The following ZFPM2 variants were observed in gnomAD, a reference collection of about 807,000 sequenced individuals.
ZFPM2 encodes zinc finger protein ZFPM2.
Under a neutral mutation model 98.6 loss-of-function variants are expected in ZFPM2, and 20 were observed. The ratio of observed to expected loss-of-function variants is 0.20; its 90% CI spans 0.14 to 0.29. The LOEUF is 0.29. ZFPM2 is among the 10% of genes least tolerant of loss of function. ZFPM2 has a pLI of 1.00. For missense variants in ZFPM2, 1,310 were observed against 1,388.6 expected, an observed-to-expected ratio of 0.94 and a Z score of 0.90; for synonymous variants, 518 against 502.7, an observed-to-expected ratio of 1.03 and a Z score of -0.41.
chr8:105,693,490 C>T (rs2130942300), intron 5 of ZFPM2, among the ~76,000 whole-genome samples: 1 of 152,310 alleles, frequency 6.6e-6, no homozygotes, highest in East Asian at 1.9e-4. Flanking sequence ...TACTACACTA[C>T]ATGCCCAACA....
chr8:105,376,135 T>G (rs1470337932), intron 1 of ZFPM2, among the ~76,000 whole-genome samples: 1 of 152,116 alleles, frequency 6.6e-6, no homozygotes, highest in Non-Finnish European at 1.5e-5. Flanking sequence ...TGGCCTCCAT[T>G]TAGACAAATC....
chr8:105,796,545 T>TATTA (rs572003438), intron 6 of ZFPM2, among the ~76,000 whole-genome samples: 64 of 152,344 alleles, frequency 4.2e-4, no homozygotes, highest in African/African-American at 1.3e-3. Context: ...TTTGAAACTC[T>TATTA]ATTATTATAC....
chr8:105,691,281 G>A lies in ZFPM2; in HGVS notation c.532+56924G>A, dbSNP rs1197861163. 1.3e-4 allele frequency among the ~76,000 whole-genome samples: 12 copies of A among 90,312 alleles called. 1 individual carries two copies. Among genetic ancestry groups the A allele is most frequent in the African/African-American group, 1.6e-4 (3 of 19,012 alleles). 59.2% of individuals were successfully genotyped at this position (90,312 alleles called of 152,430 possible). A position where few individuals can be genotyped will look rare whatever the true frequency, so the allele number is the denominator to read the frequency against. On this transcript the variant is annotated intron_variant, in intron 5 of 7. Coordinates refer to ENST00000407775, the MANE Select transcript of ZFPM2 (RefSeq NM_012082.4). Reference sequence around the variant, plus strand: ...TTTTGAGACGGAGTCTCGCTCTGTCGCCCAGGCCGGACTGCGGACTGCAGT... The same window carrying A: ...TTTTGAGACGGAGTCTCGCTCTGTCACCCAGGCCGGACTGCGGACTGCAGT...
chr8:105,489,198 G>T (rs995726365), intron 3 of ZFPM2, among the ~76,000 whole-genome samples: 1 of 151,712 alleles, frequency 6.6e-6, no homozygotes, highest in Non-Finnish European at 1.5e-5. Context: ...CTGTGTCACC[G>T]CATAGTCATA....
chr8:105,565,557 G>A (rs1213895302), intron 4 of ZFPM2, among the ~76,000 whole-genome samples: 3 of 152,086 alleles, frequency 2.0e-5, no homozygotes, highest in Non-Finnish European at 4.4e-5. Context: ...ACTAGCCTAA[G>A]GTCAACTCAG....
chr8:105,386,573 C>T (rs539625107), intron 1 of ZFPM2, among the ~76,000 whole-genome samples: 5 of 152,168 alleles, frequency 3.3e-5, no homozygotes, highest in South Asian at 2.1e-4. Context: ...CAGACCTTTT[C>T]GGTGAGTGTT....
chr8:105,698,165 T>G (rs1211035987), intron 5 of ZFPM2, among the ~76,000 whole-genome samples: 2 of 152,242 alleles, frequency 1.3e-5, no homozygotes, highest in East Asian at 3.8e-4. Context: ...TAATTACCTT[T>G]GAATACTAGT....
intron 5 of ZFPM2, among the ~76,000 whole-genome samples, chr8:105,652,010 G>T (rs187638519): frequency 1.2e-3 from 189 of 152,196 alleles, no homozygotes; most frequent in African/African-American, 4.5e-3. Context: ...GCATCAGTCA[G>T]CATGGCAGTG....
At chr8:105,754,289 TATTTA>T (rs959875098) in intron 5 of ZFPM2, among the ~76,000 whole-genome samples, 8 of 152,154 alleles carry the variant, frequency 5.3e-5, no homozygotes, top group Non-Finnish European at 1.2e-4. Flanking sequence ...ACTTTGAAGT[TATTTA>T]ATTTAAAAGC....
At chr8:105,657,575 A>T (rs1817309715) in intron 5 of ZFPM2, among the ~76,000 whole-genome samples, 1 of 152,190 alleles carries the variant, frequency 6.6e-6, no homozygotes, top group South Asian at 2.1e-4. Flanking sequence ...TTCTATACAG[A>T]TCAACATCTA....
intron 1 of ZFPM2, among the ~76,000 whole-genome samples, chr8:105,326,208 T>C (rs1812112535): frequency 6.6e-6 from 1 of 151,718 alleles, no homozygotes; most frequent in South Asian, 2.1e-4. Flanking sequence ...CCTACAAATA[T>C]AATAAAAGAT....
chr8:105,410,283 A>G (rs1397850304), intron 1 of ZFPM2, among the ~76,000 whole-genome samples: 2 of 151,892 alleles, frequency 1.3e-5, no homozygotes, highest in Admixed American at 1.3e-4. Context: ...ATGTAACTGT[A>G]TTGTTACACA....
chr8:105,406,429 C>T (rs894576869), intron 1 of ZFPM2, among the ~76,000 whole-genome samples: 1 of 151,952 alleles, frequency 6.6e-6, no homozygotes, highest in African/African-American at 2.4e-5. Flanking sequence ...TGGATCCCTT[C>T]CTTACACCTT....
At chr8:105,605,810 CTT>C in intron 4 of ZFPM2, among the ~76,000 whole-genome samples, 1 of 152,140 alleles carries the variant, frequency 6.6e-6, no homozygotes, top group East Asian at 1.9e-4. Flanking sequence ...ATACTAATGA[CTT>C]TGCTATGTAA....
intron 3 of ZFPM2, among the ~76,000 whole-genome samples, chr8:105,546,973 T>A (rs1171683437): frequency 1.3e-5 from 2 of 152,096 alleles, no homozygotes; most frequent in Admixed American, 1.3e-4. Flanking sequence ...ACAGTTTCCC[T>A]TTTTTTGGGG....
intron 4 of ZFPM2, among the ~76,000 whole-genome samples, chr8:105,577,775 C>CAAAAAAAAAA: frequency 9.0e-6 from 1 of 111,304 alleles, no homozygotes. Flanking sequence ...GTGAGGAAAC[C>CAAAAAAAAAA]AAAAAAAAAA....
At chr8:105,355,684 G>T (rs1697660053) in intron 1 of ZFPM2, among the ~76,000 whole-genome samples, 1 of 152,138 alleles carries the variant, frequency 6.6e-6, no homozygotes, top group Admixed American at 6.6e-5. Context: ...ACAAGAGATT[G>T]CTCACAAGCC....
At chr8:105,796,530 G>T (rs1471453222) in intron 6 of ZFPM2, among the ~76,000 whole-genome samples, 3 of 152,162 alleles carry the variant, frequency 2.0e-5, no homozygotes, top group East Asian at 3.8e-4. Context: ...AAAATTAAAT[G>T]TTAATTTGAA....
chr8:105,796,547 T>C (rs1287184317), intron 6 of ZFPM2, among the ~76,000 whole-genome samples: 1 of 152,226 alleles, frequency 6.6e-6, no homozygotes, highest in Non-Finnish European at 1.5e-5. Context: ...TGAAACTCTA[T>C]TATTATACTT....
Sources: allele counts gnomAD v4.1 joint callset (sites outside exome capture counted in the v4.1 genomes callset), GRCh38; gene constraint gnomAD v4.1.1; transcripts MANE v1.5; gene names NCBI Gene and HGNC (gene_info 2026-07-23, HGNC 2026-07-21).